Variants in GALNT13 observed in about 807,000 individuals in gnomAD.
GALNT13 encodes the protein polypeptide N-acetylgalactosaminyltransferase 13.
In GALNT13, 28 loss-of-function variants were observed where a neutral mutation model predicts 64.2. That is an observed-to-expected ratio of 0.44 (90% CI 0.32 to 0.60). The LOEUF is 0.60. Ranked by LOEUF, GALNT13 falls within the 20% of genes least tolerant of loss-of-function variation. The pLI is 0.05. For synonymous variants in GALNT13, 214 were observed against 224.6 expected (o/e 0.95, Z 0.42); for missense variants, 577 against 669.8 (o/e 0.86, Z 1.53).
intron 9 of GALNT13, among the ~76,000 whole-genome samples, chr2:154,388,997 T>C (rs707044): frequency 0.41 from 62,528 of 152,102 alleles, 13,440 homozygotes; most frequent in African/African-American, 0.54. Context: ...AATAGCTGTA[T>C]AATAAACATT....
chr2:153,939,524 T>C (rs1519204), intron 2 of GALNT13, among the ~76,000 whole-genome samples: 117,741 of 152,130 alleles, frequency 0.77, 45,995 homozygotes, highest in East Asian at 0.96. Flanking sequence ...CTTAAGTGCA[T>C]AGTTCAATGA....
At chr2:153,301,083 C>A in the GALNT13 span, among the ~76,000 whole-genome samples, 1 of 151,820 alleles carries the variant, frequency 6.6e-6, no homozygotes, top group Non-Finnish European at 1.5e-5. Flanking sequence ...GTGGTGCATG[C>A]CACTCAGGGG....
chr2:153,186,148 G>C, the GALNT13 span, among the ~76,000 whole-genome samples: 1 of 151,970 alleles, frequency 6.6e-6, no homozygotes, highest in Non-Finnish European at 1.5e-5. Flanking sequence ...GCTCCTGTAT[G>C]GGTGCATGTA....
chr2:153,276,234 G>A, the GALNT13 span, among the ~76,000 whole-genome samples: 5 of 151,750 alleles, frequency 3.3e-5, no homozygotes, highest in South Asian at 2.1e-4. Flanking sequence ...TTTCACTTGC[G>A]TTTATACTTT....
At chr2:154,229,609 A>G (rs1202193219) in intron 4 of GALNT13, among the ~76,000 whole-genome samples, 2 of 152,078 alleles carry the variant, frequency 1.3e-5, no homozygotes, top group African/African-American at 4.8e-5. Context: ...GAGAGGGAAT[A>G]GTTGAATGCC....
At chr2:153,240,359 T>C in the GALNT13 span, among the ~76,000 whole-genome samples, 51 of 152,328 alleles carry the variant, frequency 3.3e-4, no homozygotes, top group South Asian at 5.8e-3. Flanking sequence ...TTTCCCTGTC[T>C]TAATAAGTTG....
the GALNT13 span, among the ~76,000 whole-genome samples, chr2:153,511,892 G>A: frequency 6.6e-6 from 1 of 152,182 alleles, no homozygotes; most frequent in Admixed American, 6.5e-5. Context: ...ATCCCAATGG[G>A]GTTGAAGAGG....
chr2:154,333,746 A>G lies in GALNT13; in HGVS notation c.1156+32157A>G, dbSNP rs529338245. On this transcript the variant is annotated intron_variant, in intron 9 of 12. Transcript: ENST00000392825. ...TAAATGCACAGCTCTTGCTATTGTA[A>G]AGGGAGTTGGCAGCTTATCCCTCCT... Among the ~76,000 whole-genome samples, 5 of 152,202 alleles carry G rather than the reference A, an allele frequency of 3.3e-5. No homozygotes were observed. In the South Asian group the frequency reaches 1.0e-3, roughly 32 times the overall value.
chr2:153,582,077 A>G, the GALNT13 span, among the ~76,000 whole-genome samples: 2 of 152,118 alleles, frequency 1.3e-5, no homozygotes, highest in Non-Finnish European at 2.9e-5. Flanking sequence ...ACCTTCTGTT[A>G]TATGTCTATT....
chr2:153,609,726 A>G, the GALNT13 span, among the ~76,000 whole-genome samples: 1 of 152,138 alleles, frequency 6.6e-6, no homozygotes, highest in Non-Finnish European at 1.5e-5. Context: ...ACCTTATTTG[A>G]TCTCAAATAA....
chr2:154,164,132 A>G (rs1410078103), intron 4 of GALNT13, among the ~76,000 whole-genome samples: 2 of 152,172 alleles, frequency 1.3e-5, no homozygotes, highest in African/African-American at 4.8e-5. Context: ...GGCATAGTGT[A>G]GGCATTACAT....
At chr2:154,393,631 A>G (rs988252324) in intron 9 of GALNT13, among the ~76,000 whole-genome samples, 3 of 152,230 alleles carry the variant, frequency 2.0e-5, no homozygotes, top group Non-Finnish European at 4.4e-5. Flanking sequence ...TAGGATTAGA[A>G]CAAAAGCAAG....
At chr2:154,198,282 A>G (rs1573859305) in intron 4 of GALNT13, among the ~76,000 whole-genome samples, 1 of 152,096 alleles carries the variant, frequency 6.6e-6, no homozygotes, top group African/African-American at 2.4e-5. Context: ...ATGCCATCAG[A>G]ATAAGTTACC....
the GALNT13 span, among the ~76,000 whole-genome samples, chr2:153,579,392 G>A: frequency 6.6e-6 from 1 of 152,092 alleles, no homozygotes; most frequent in South Asian, 2.1e-4. Flanking sequence ...TAAGCCATCA[G>A]TCGAACTGAA....
chr2:153,286,725 T>C, the GALNT13 span, among the ~76,000 whole-genome samples: 1 of 152,158 alleles, frequency 6.6e-6, no homozygotes, highest in African/African-American at 2.4e-5. Context: ...CTAAATTGTA[T>C]ATCATTACAC....
At chr2:153,662,588 A>C in the GALNT13 span, among the ~76,000 whole-genome samples, 2 of 152,162 alleles carry the variant, frequency 1.3e-5, no homozygotes, top group African/African-American at 4.8e-5. Flanking sequence ...CAGATTTTCT[A>C]AGCACCAACT....
At chr2:153,756,653 T>A in the GALNT13 span, among the ~76,000 whole-genome samples, 2 of 152,130 alleles carry the variant, frequency 1.3e-5, no homozygotes, top group South Asian at 4.1e-4. Context: ...GAGAAACATT[T>A]TTCTTTTTTT....
chr2:154,220,555 CAT>C (rs1559032582), intron 4 of GALNT13, among the ~76,000 whole-genome samples: 2 of 151,878 alleles, frequency 1.3e-5, no homozygotes, highest in East Asian at 3.9e-4. Flanking sequence ...TGCATACACA[CAT>C]ATTTCTGAAG....
chr2:153,591,136 G>A, the GALNT13 span, among the ~76,000 whole-genome samples: 64,455 of 151,792 alleles, frequency 0.42, 14,419 homozygotes, highest in South Asian at 0.61. Flanking sequence ...GATAAAAATT[G>A]ACATATAGAA....
Sources: gnomAD v4.1 joint callset for allele counts (sites outside exome capture counted in the v4.1 genomes callset) on GRCh38, gnomAD v4.1.1 for gene constraint, MANE v1.5 for transcripts, NCBI Gene and HGNC (gene_info 2026-07-23, HGNC 2026-07-21) for gene names.